The following PDZD2 variants were observed in gnomAD, a reference collection of about 807,000 sequenced individuals.
PDZD2 encodes the protein PDZ domain-containing protein 2.
PDZD2 carries 90 observed loss-of-function variants against 220.7 expected under a neutral mutation model. The observed-to-expected ratio is 0.41, with a 90% CI of 0.34 to 0.49. The LOEUF is 0.49. Ranked by LOEUF, PDZD2 falls within the 20% of genes least tolerant of loss-of-function variation. The probability of loss-of-function intolerance (pLI) is 0.28; values close to 1 mark genes in which losing one functional copy is unlikely to be tolerated. For missense variants in PDZD2, 3,174 were observed against 3,608.5 expected (o/e 0.88, Z 3.08); for synonymous variants, 1,375 against 1,450.5 (o/e 0.95, Z 1.18).
At chr5:31,880,791 C>CTTTTTTTTTTTT (rs1037018187) in intron 2 of PDZD2, among the ~76,000 whole-genome samples, 101 of 76,476 alleles carry the variant, frequency 1.3e-3, no homozygotes, top group Non-Finnish European at 1.8e-3. Flanking sequence ...TTTTTTTTTT[C>CTTTTTTTTTTTT]TTTTTTTTTT....
chr5:31,799,341 G>A lies in PDZD2; in HGVS notation c.93G>A (p.Glu31=). 1 of 1,614,226 alleles carries A rather than the reference G, an allele frequency of 6.2e-7. No homozygotes were observed. Among genetic ancestry groups the A allele is most frequent in the Non-Finnish European group, 8.5e-7 (1 of 1,180,028 alleles). ...NSLQEGGDGP[E]QRLCQAAIQK... is the part of the protein sequence containing the mutation. ...TGCAGGAAGGTGGGGATGGGCCGGAGCAGCGGCTCTGCCAGGCGGCCATCC... is the reference window on the plus strand; with the variant it reads ...TGCAGGAAGGTGGGGATGGGCCGGAACAGCGGCTCTGCCAGGCGGCCATCC... The change falls in exon 2 of 25, where the codon GAG becomes GAA. Residue 31 remains glutamate, a synonymous_variant. Coordinates refer to ENST00000438447, the MANE Select transcript of PDZD2 (RefSeq NM_178140.4).
chr5:32,007,826 CT>C (rs1223172975), intron 5 of PDZD2, among the ~76,000 whole-genome samples: 2 of 152,240 alleles, frequency 1.3e-5, no homozygotes, highest in African/African-American at 4.8e-5. Context: ...TCCCTGGCCC[CT>C]GGCCCTCATG....
At chr5:31,804,681 TC>T (rs1754608660) in intron 2 of PDZD2, among the ~76,000 whole-genome samples, 1 of 131,174 alleles carries the variant, frequency 7.6e-6, no homozygotes, top group African/African-American at 2.6e-5. Context: ...TGTACTTTGG[TC>T]CTTGTGCGAT....
chr5:31,683,179 G>A (rs1172351665), intron 1 of PDZD2, among the ~76,000 whole-genome samples: 2 of 130,492 alleles, frequency 1.5e-5, no homozygotes, highest in Admixed American at 1.8e-4. Flanking sequence ...GAGCCTGAAG[G>A]TACAAAATCT....
chr5:31,878,276 C>G (rs1397111483), intron 2 of PDZD2, among the ~76,000 whole-genome samples: 1 of 152,152 alleles, frequency 6.6e-6, no homozygotes, highest in African/African-American at 2.4e-5. Flanking sequence ...GCCCTCTGCT[C>G]CATGCCTTCC....
intron 2 of PDZD2, among the ~76,000 whole-genome samples, chr5:31,932,366 T>C (rs1164962455): frequency 6.6e-6 from 1 of 152,048 alleles, no homozygotes. Context: ...CTGGCCAACA[T>C]GGTGAAACTC....
rs563321674 is a variant in PDZD2, at chr5:31,662,755, G to A, written c.-361+23318G>A. ...CGCCATTCTCCTGCCTCAGCCTCCC[G>A]GGTAGCTGGGACTACAGGCGCCCAC... On this transcript the variant is annotated intron_variant, in intron 1 of 24. Coordinates refer to ENST00000438447, the MANE Select transcript of PDZD2 (RefSeq NM_178140.4). Among the ~76,000 whole-genome samples the A allele has an allele frequency of 5.9e-5, 9 of 152,254 alleles. No homozygotes were observed. The East Asian group carries it at 1.5e-3, about 26-fold the overall frequency.
chr5:31,820,228 CCTT>C (rs1481952129), intron 2 of PDZD2, among the ~76,000 whole-genome samples: 1 of 152,168 alleles, frequency 6.6e-6, no homozygotes, highest in Non-Finnish European at 1.5e-5. Flanking sequence ...TACAGTGTCC[CCTT>C]CTTAATTCCA....
intron 5 of PDZD2, 105 bp from the exon 6 acceptor site, chr5:32,010,225 G>A: frequency 1.3e-6 from 1 of 741,726 alleles, no homozygotes; most frequent in South Asian, 2.1e-5. Flanking sequence ...ACTCCATGTA[G>A]TCTTTGGTTT....
At chr5:31,733,765 G>A (rs1749677348) in intron 1 of PDZD2, among the ~76,000 whole-genome samples, 1 of 152,186 alleles carries the variant, frequency 6.6e-6, no homozygotes, top group African/African-American at 2.4e-5. Context: ...CGCCGTTCCT[G>A]TAATGCAGGA....
chr5:31,887,777 A>T (rs1474052544), intron 2 of PDZD2, among the ~76,000 whole-genome samples: 1 of 151,714 alleles, frequency 6.6e-6, no homozygotes, highest in African/African-American at 2.4e-5. Flanking sequence ...CCTGTGTCTC[A>T]AAACTGTCCT....
chr5:31,717,838 G>A (rs1456605522), intron 1 of PDZD2, among the ~76,000 whole-genome samples: 1 of 152,202 alleles, frequency 6.6e-6, no homozygotes, highest in Non-Finnish European at 1.5e-5. Context: ...TGCCACCCAG[G>A]GAGTCTTGCT....
At chr5:31,813,159 A>G (rs1273929439) in intron 2 of PDZD2, among the ~76,000 whole-genome samples, 2 of 152,162 alleles carry the variant, frequency 1.3e-5, no homozygotes, top group East Asian at 3.9e-4. Flanking sequence ...TTTAAAATCT[A>G]AGTATTCACG....
At chr5:31,998,521 A>G (rs951627174) in intron 4 of PDZD2, among the ~76,000 whole-genome samples, 1 of 152,206 alleles carries the variant, frequency 6.6e-6, no homozygotes, top group Admixed American at 6.5e-5. Context: ...ATTCATTGAA[A>G]GAAAGCCAGG....
intron 2 of PDZD2, among the ~76,000 whole-genome samples, chr5:31,966,597 T>G (rs1748782366): frequency 6.6e-6 from 1 of 152,202 alleles, no homozygotes; most frequent in African/African-American, 2.4e-5. Context: ...AATCCAAGAC[T>G]TAAAAGTTGC....
chr5:31,792,544 G>A (rs1013584764), intron 1 of PDZD2, among the ~76,000 whole-genome samples: 5 of 151,194 alleles, frequency 3.3e-5, no homozygotes, highest in Admixed American at 2.0e-4. Flanking sequence ...CCAGCCTCCC[G>A]AAGAAGCTGG....
intron 1 of PDZD2, among the ~76,000 whole-genome samples, chr5:31,733,017 C>T (rs1429503760): frequency 6.6e-6 from 1 of 152,200 alleles, no homozygotes; most frequent in Non-Finnish European, 1.5e-5. Context: ...GCGTGAGCCA[C>T]CGCGCCCGGC....
intron 2 of PDZD2, among the ~76,000 whole-genome samples, chr5:31,869,645 C>T (rs952481149): frequency 1.3e-5 from 2 of 152,180 alleles, no homozygotes; most frequent in Non-Finnish European, 2.9e-5. Flanking sequence ...TGTCCATTGT[C>T]CTTTCCACTT....
At chr5:31,862,252 G>C (rs1379988980) in intron 2 of PDZD2, among the ~76,000 whole-genome samples, 4 of 151,634 alleles carry the variant, frequency 2.6e-5, no homozygotes, top group Admixed American at 1.3e-4. Context: ...CTACAGGTGT[G>C]CTCCACCACA....
Sources: gnomAD v4.1 joint callset for allele counts (sites outside exome capture counted in the v4.1 genomes callset) on GRCh38, gnomAD v4.1.1 for gene constraint, MANE v1.5 for transcripts, NCBI Gene and HGNC (gene_info 2026-07-23, HGNC 2026-07-21) for gene names.